The following MUC7 variants were observed in gnomAD, a reference collection of about 807,000 sequenced individuals.
MUC7 encodes mucin 7, secreted.
MUC7 carries 2 observed loss-of-function variants against 2.5 expected under a neutral mutation model. The ratio of observed to expected loss-of-function variants is 0.81; its 90% CI spans 0.33 to 2.55. The LOEUF is 2.55. MUC7 is among the 30% of genes most tolerant of loss of function. The pLI is 0.11. For missense variants in MUC7, 408 were observed against 455.6 expected, an observed-to-expected ratio of 0.90 and a Z score of 0.95; for synonymous variants, 133 against 173.4, an observed-to-expected ratio of 0.77 and a Z score of 1.83.
chr4:70,472,844 C>G (rs1238061343), intron 1 of MUC7, among the ~76,000 whole-genome samples: 1 of 152,148 alleles, frequency 6.6e-6, no homozygotes, highest in Admixed American at 6.5e-5. Flanking sequence ...CACAGCCCAC[C>G]ACATTGACAT....
intron 1 of MUC7, among the ~76,000 whole-genome samples, chr4:70,444,227 C>T (rs1209922801): frequency 6.6e-6 from 1 of 152,188 alleles, no homozygotes; most frequent in Non-Finnish European, 1.5e-5. Flanking sequence ...CAATAAAACA[C>T]CTGGAAATAT....
At chr4:70,456,280 G>A (rs1734409587) in intron 1 of MUC7, among the ~76,000 whole-genome samples, 1 of 152,142 alleles carries the variant, frequency 6.6e-6, no homozygotes, top group Non-Finnish European at 1.5e-5. Flanking sequence ...ATACCTAAAT[G>A]TCTTCAGATA....
chr4:70,461,085 C>T (rs1734546088), intron 1 of MUC7, among the ~76,000 whole-genome samples: 1 of 152,208 alleles, frequency 6.6e-6, no homozygotes, highest in South Asian at 2.1e-4. Context: ...CCCCTTGGGG[C>T]TCCGAGCTTA....
At chr4:70,459,884 TAGA>T (rs533131827) in intron 1 of MUC7, among the ~76,000 whole-genome samples, 30 of 152,330 alleles carry the variant, frequency 2.0e-4, no homozygotes, top group South Asian at 2.1e-4. Context: ...AGCAATTAGA[TAGA>T]AGGACTTTTA....
intron 1 of MUC7, among the ~76,000 whole-genome samples, chr4:70,453,933 G>A (rs1021385186): frequency 5.9e-5 from 9 of 152,084 alleles, no homozygotes; most frequent in African/African-American, 7.2e-5. Context: ...GTCTAGAAAC[G>A]TTGTCCAGGA....
chr4:70,441,623 A>G (rs1734007413), intron 1 of MUC7, among the ~76,000 whole-genome samples: 1 of 152,198 alleles, frequency 6.6e-6, no homozygotes, highest in South Asian at 2.1e-4. Context: ...GAAATATAGA[A>G]AAGTTAAGAT....
intron 1 of MUC7, among the ~76,000 whole-genome samples, chr4:70,434,201 G>A (rs1733759586): frequency 6.6e-6 from 1 of 152,042 alleles, no homozygotes; most frequent in Non-Finnish European, 1.5e-5. Context: ...TTGTGTCTCT[G>A]CCAGGTTTGG....
rs1167186970 is a variant in MUC7 at position 70,481,539 on chromosome 4, T to C, written c.795T>C (p.Ser265=). 3.1e-6 allele frequency: 5 copies of C among 1,610,014 alleles called. No homozygotes were observed. In the Admixed American group the frequency reaches 6.7e-5, roughly 22 times the overall value. The part of the protein sequence containing the change: ...PETTAVPPTP[S]ATTLDPSSAS... ...CCACAGCTGTCCCACCCACACCTTC[T>C]GCAACTACCCTAGACCCATCATCCG... The change falls in exon 3 of 3, where the codon TCT becomes TCC. Residue 265 remains serine (S), a synonymous_variant. Coordinates refer to ENST00000304887, the MANE Select transcript of MUC7 (RefSeq NM_152291.3).
At chr4:70,472,572 T>C (rs1734862771) in intron 1 of MUC7, among the ~76,000 whole-genome samples, 6 of 152,216 alleles carry the variant, frequency 3.9e-5, no homozygotes, top group Admixed American at 2.0e-4. Context: ...CAGATTGTTT[T>C]CTTCTTAGTG....
In MUC7 at chr4:70,434,020, A is replaced by T. The variant is rs575093938; in HGVS notation, c.-93+3333A>T. 3.9e-5 allele frequency among the ~76,000 whole-genome samples: 6 copies of T among 152,118 alleles called. 1 individual carries two copies. The South Asian group carries it at 1.2e-3, about 32-fold the overall frequency. ...GTCATTGGTTCTGTTTACATGATGG[A>T]TTACGTTTATTGATTTATGTTGAAC... is the stretch of plus-strand genomic sequence containing the variant. On this transcript the variant is annotated intron_variant, in intron 1 of 3. Coordinates refer to the MUC7 transcript ENST00000413702.
intron 1 of MUC7, among the ~76,000 whole-genome samples, chr4:70,433,333 T>C (rs75643310): frequency 0.095 from 14,466 of 152,230 alleles, 929 homozygotes; most frequent in African/African-American, 0.17. Flanking sequence ...TATGGCCATT[T>C]TCAAGATATT....
At chr4:70,466,575 C>G (rs887199323) in intron 1 of MUC7, among the ~76,000 whole-genome samples, 2 of 149,970 alleles carry the variant, frequency 1.3e-5, no homozygotes, top group African/African-American at 4.9e-5. Flanking sequence ...GTTTACCAAG[C>G]GAATGGAAAG....
At chr4:70,479,804 T>C (rs1023411984) in intron 2 of MUC7, among the ~76,000 whole-genome samples, 2 of 152,204 alleles carry the variant, frequency 1.3e-5, no homozygotes, top group African/African-American at 4.8e-5. Context: ...GACTTCTGGA[T>C]CTTCTGTAAA....
intron 2 of MUC7, among the ~76,000 whole-genome samples, chr4:70,478,786 C>T (rs1735081909): frequency 1.3e-5 from 2 of 152,248 alleles, no homozygotes; most frequent in East Asian, 3.9e-4. Flanking sequence ...AACAATATGA[C>T]CTGTTCTATT....
chr4:70,459,649 T>A (rs955704052), intron 1 of MUC7, among the ~76,000 whole-genome samples: 1 of 152,114 alleles, frequency 6.6e-6, no homozygotes, highest in African/African-American at 2.4e-5. Flanking sequence ...ACAGACAGTA[T>A]AACAGAAACA....
At chr4:70,433,893 T>A (rs1351932069) in intron 1 of MUC7, among the ~76,000 whole-genome samples, 1 of 152,202 alleles carries the variant, frequency 6.6e-6, no homozygotes, top group African/African-American at 2.4e-5. Context: ...ATTTGACATA[T>A]GTTCCATCAA....
upstream of MUC7, among the ~76,000 whole-genome samples, chr4:70,471,348 C>T (rs41499054): frequency 0.016 from 2,398 of 152,164 alleles, 55 homozygotes; most frequent in African/African-American, 0.053. Flanking sequence ...CTGCAACACA[C>T]GGCCCTTAGT....
At chr4:70,436,764 G>C (rs1247622828) in intron 1 of MUC7, among the ~76,000 whole-genome samples, 1 of 152,114 alleles carries the variant, frequency 6.6e-6, no homozygotes, top group African/African-American at 2.4e-5. Flanking sequence ...TGTTCCTTTG[G>C]AGGAAAAGAG....
intron 1 of MUC7, among the ~76,000 whole-genome samples, chr4:70,444,772 C>T (rs1734087522): frequency 6.6e-6 from 1 of 152,146 alleles, no homozygotes; most frequent in African/African-American, 2.4e-5. Context: ...CACTTTTGGG[C>T]CAGGTGCGGT....
Sources: gnomAD v4.1 joint callset for allele counts (sites outside exome capture counted in the v4.1 genomes callset) on GRCh38, gnomAD v4.1.1 for gene constraint, MANE v1.5 for transcripts, NCBI Gene and HGNC (gene_info 2026-07-23, HGNC 2026-07-21) for gene names.